SUMF1: variants seen among roughly 807,000 people sequenced by gnomAD.
The protein encoded by SUMF1 is sulfatase modifying factor 1, also known as formylglycine-generating enzyme.
Under a neutral mutation model 47.6 loss-of-function variants are expected in SUMF1, and 48 were observed. The observed-to-expected ratio is 1.01, with a 90% confidence interval of 0.80 to 1.28. SUMF1 has a LOEUF of 1.28. Ranked by LOEUF, SUMF1 falls within the 50% of genes most tolerant of loss-of-function variation. The pLI, the probability that SUMF1 is intolerant of heterozygous loss-of-function variation, is 0.00. For missense variants in SUMF1, 571 were observed against 485.4 expected (o/e 1.18, Z -1.66); for synonymous variants, 230 against 192.1 (o/e 1.20, Z -1.63).
chr3:4,453,741 C>T (rs1446295296), intron 1 of SUMF1, among the ~76,000 whole-genome samples: 1 of 151,984 alleles, frequency 6.6e-6, no homozygotes, highest in East Asian at 1.9e-4. Flanking sequence ...ACCAAGTTGG[C>T]CAGGCTGGTC....
intron 8 of SUMF1, among the ~76,000 whole-genome samples, chr3:4,352,754 A>AAAAAT (rs1699530818): frequency 1.4e-5 from 2 of 141,798 alleles, no homozygotes; most frequent in Non-Finnish European, 3.0e-5. Flanking sequence ...AAAAAAAAAA[A>AAAAAT]GGGTGACAAC....
chr3:4,324,853 C>T (rs1369041214), intron 8 of SUMF1, among the ~76,000 whole-genome samples: 1 of 152,038 alleles, frequency 6.6e-6, no homozygotes, highest in Non-Finnish European at 1.5e-5. Flanking sequence ...TACATTTCCC[C>T]CCTGTATTAT....
chr3:4,121,854 C>A (rs1367424193), intron 8 of SUMF1, among the ~76,000 whole-genome samples: 3 of 152,022 alleles, frequency 2.0e-5, no homozygotes, highest in African/African-American at 7.2e-5. Context: ...TTTTCCTGAT[C>A]CTCTCCTTCC....
chr3:4,222,281 C>T (rs1696083481), intron 8 of SUMF1, among the ~76,000 whole-genome samples: 1 of 152,018 alleles, frequency 6.6e-6, no homozygotes. Flanking sequence ...CTCAAGGAAG[C>T]TGCCTTTGGC....
intron 9 of SUMF1, among the ~76,000 whole-genome samples, chr3:4,051,979 G>T (rs886622830): frequency 7.9e-5 from 12 of 152,074 alleles, no homozygotes; most frequent in African/African-American, 2.4e-4. Context: ...AAATGGTTTT[G>T]GTTCTCTGTC....
intron 8 of SUMF1, among the ~76,000 whole-genome samples, chr3:4,187,762 T>C (rs1396611963): frequency 1.3e-5 from 2 of 152,210 alleles, no homozygotes; most frequent in Non-Finnish European, 2.9e-5. Flanking sequence ...ACCTATTGAT[T>C]AGTAAATTTC....
chr3:4,278,903 A>G (rs1296793724), intron 8 of SUMF1, among the ~76,000 whole-genome samples: 1 of 152,158 alleles, frequency 6.6e-6, no homozygotes, highest in Non-Finnish European at 1.5e-5. Flanking sequence ...TGCCTTTTAC[A>G]TCAGACAAAT....
intron 8 of SUMF1, among the ~76,000 whole-genome samples, chr3:4,349,645 T>C (rs1699445487): frequency 1.3e-5 from 2 of 152,202 alleles, no homozygotes; most frequent in South Asian, 4.1e-4. Flanking sequence ...CATGGAATAC[T>C]ATGCAGTCAT....
intron 9 of SUMF1, among the ~76,000 whole-genome samples, chr3:4,057,771 C>A (rs1429775995): frequency 6.6e-6 from 1 of 152,110 alleles, no homozygotes; most frequent in Admixed American, 6.6e-5. Flanking sequence ...GCAAGGTAGG[C>A]TGGCATTTGA....
At chr3:4,349,987 A>G (rs1299322001) in intron 8 of SUMF1, among the ~76,000 whole-genome samples, 1 of 150,440 alleles carries the variant, frequency 6.6e-6, no homozygotes, top group Non-Finnish European at 1.5e-5. Flanking sequence ...AGTTGTATAT[A>G]TTACGTATTA....
At chr3:4,232,102 C>A (rs1043949925) in intron 8 of SUMF1, among the ~76,000 whole-genome samples, 2 of 152,082 alleles carry the variant, frequency 1.3e-5, no homozygotes, top group African/African-American at 4.8e-5. Context: ...GGTAACCAGA[C>A]TCAGCATATG....
chr3:4,286,127 G>A (rs1205955051), intron 8 of SUMF1, among the ~76,000 whole-genome samples: 1 of 151,950 alleles, frequency 6.6e-6, no homozygotes, highest in Non-Finnish European at 1.5e-5. Flanking sequence ...TTTTCAAATT[G>A]TTTAGTTTTT....
intron 9 of SUMF1, among the ~76,000 whole-genome samples, chr3:4,040,940 T>C (rs1194480675): frequency 3.3e-5 from 5 of 152,238 alleles, no homozygotes; most frequent in East Asian, 1.9e-4. Flanking sequence ...ACTATGTTAG[T>C]AGACTCATTT....
chr3:4,446,971 G>T, intron 3 of SUMF1, among the ~76,000 whole-genome samples: 1 of 152,148 alleles, frequency 6.6e-6, no homozygotes, highest in Non-Finnish European at 1.5e-5. Flanking sequence ...GAAATGCAAA[G>T]AAGTGTCTAC....
chr3:4,039,425 A>C (rs1694869213), intron 9 of SUMF1, among the ~76,000 whole-genome samples: 1 of 86,366 alleles, frequency 1.2e-5, no homozygotes, highest in African/African-American at 4.4e-5. Flanking sequence ...TCCTGTGTCC[A>C]TGTGATCTCA....
intron 8 of SUMF1, among the ~76,000 whole-genome samples, chr3:4,070,015 A>G (rs931340899): frequency 6.6e-6 from 1 of 152,152 alleles, no homozygotes; most frequent in Non-Finnish European, 1.5e-5. Flanking sequence ...TATCTGAGAA[A>G]TTCCTCTGCA....
At chr3:4,294,914 C>T (rs1329255489) in intron 8 of SUMF1, among the ~76,000 whole-genome samples, 1 of 152,136 alleles carries the variant, frequency 6.6e-6, no homozygotes, top group African/African-American at 2.4e-5. Context: ...TTTCCACAGT[C>T]CTCTTCAATT....
At position 4,083,292 on chromosome 3, in the gene SUMF1, A is replaced by G. The variant is rs535821288; in HGVS notation, c.1015-14547T>C. Among the ~76,000 whole-genome samples, 3 of 152,272 alleles carry G rather than the reference A, an allele frequency of 2.0e-5. No homozygotes were observed. The South Asian group carries it at 6.2e-4, about 32-fold the overall frequency. Reference sequence around the variant, plus strand: ...ACCCTTTAAACATGACATTTGAGTTAATACCCTGTCCTTTTTCCAAGACAC... The same window carrying G: ...ACCCTTTAAACATGACATTTGAGTTGATACCCTGTCCTTTTTCCAAGACAC... On this transcript the variant is annotated intron_variant and NMD_transcript_variant, in intron 8 of 12. Coordinates refer to the SUMF1 transcript ENST00000448413.
chr3:4,451,616 C>G (rs922201219), intron 2 of SUMF1, among the ~76,000 whole-genome samples: 4 of 152,286 alleles, frequency 2.6e-5, no homozygotes, highest in Admixed American at 2.6e-4. Context: ...ATTGAGGAAC[C>G]TGAGCTGAGA....
Sources: allele counts gnomAD v4.1 joint callset (sites outside exome capture counted in the v4.1 genomes callset), GRCh38; gene constraint gnomAD v4.1.1; transcripts MANE v1.5; gene names NCBI Gene and HGNC (gene_info 2026-07-23, HGNC 2026-07-21).